Variants in DNTTIP1 observed in about 807,000 individuals in gnomAD.
The protein encoded by DNTTIP1 is deoxynucleotidyltransferase terminal interacting protein 1.
In DNTTIP1, 22 loss-of-function variants were observed where a neutral mutation model predicts 52.9. The observed-to-expected ratio is 0.42, with a 90% CI of 0.30 to 0.59. The LOEUF (loss-of-function observed/expected upper bound fraction) is 0.59. DNTTIP1 is among the 20% of genes least tolerant of loss of function. The pLI is 0.22. For synonymous variants in DNTTIP1, 136 were observed against 155.1 expected (o/e 0.88, Z 0.92); for missense variants, 286 against 435.5 (o/e 0.66, Z 3.06).
At chr20:45,797,465 G>A (rs1485614847) in intron 4 of DNTTIP1, among the ~76,000 whole-genome samples, 8 of 152,204 alleles carry the variant, frequency 5.3e-5, no homozygotes, top group African/African-American at 1.9e-4. Context: ...GGCAACAAAA[G>A]CCAAAATTGA....
intron 3 of DNTTIP1, among the ~76,000 whole-genome samples, chr20:45,794,507 CTTT>C (rs148427742): frequency 6.6e-6 from 1 of 151,672 alleles, no homozygotes; most frequent in East Asian, 1.9e-4. Flanking sequence ...ATTCAGATAC[CTTT>C]TTTTTTTAAA....
At chr20:45,807,183 C>T (rs567517897) in intron 10 of DNTTIP1, among the ~76,000 whole-genome samples, 3 of 151,908 alleles carry the variant, frequency 2.0e-5, no homozygotes, top group African/African-American at 7.2e-5. Flanking sequence ...AGTGCAGTGG[C>T]GCGATCTCAG....
At chr20:45,806,771 T>C (rs1601031699) in intron 10 of DNTTIP1, among the ~76,000 whole-genome samples, 1 of 152,254 alleles carries the variant, frequency 6.6e-6, no homozygotes, top group South Asian at 2.1e-4. Context: ...CAGTGGCTCC[T>C]TTGTTTTCCT....
chr20:45,799,277 TAAGA>T (rs1981344359), intron 4 of DNTTIP1, among the ~76,000 whole-genome samples: 1 of 152,154 alleles, frequency 6.6e-6, no homozygotes, highest in Admixed American at 6.5e-5. Flanking sequence ...CAAAGAAGGC[TAAGA>T]AAGAACGGCC....
At position 45,809,882 on chromosome 20, in the gene DNTTIP1, A is replaced by G. The variant is rs531913369; in HGVS notation, c.795+697A>G. ...GAGCTACCTTTTATTTTATTTTACT[A>G]CTCTATTTATGCCTATGCTTTACTT... On this transcript the variant is annotated intron_variant, in intron 11 of 12. Transcript: ENST00000372622. This position sits in a 1 kb window ranked among gnomAD's most constrained non-coding sequence, Gnocchi z 4.2. Among the ~76,000 whole-genome samples, 1 of 151,754 alleles carries G rather than the reference A, an allele frequency of 6.6e-6. No homozygotes were observed. Among genetic ancestry groups the G allele is most frequent in the Non-Finnish European group, 1.5e-5 (1 of 67,972 alleles).
chr20:45,799,655 T>G (rs925176066), intron 4 of DNTTIP1, among the ~76,000 whole-genome samples: 1 of 152,178 alleles, frequency 6.6e-6, no homozygotes, highest in African/African-American at 2.4e-5. Context: ...CTGGGTTTTT[T>G]TCTTTTTTTC....
At chr20:45,810,567 C>CT (rs1464520994) in intron 11 of DNTTIP1, among the ~76,000 whole-genome samples, 2 of 100,488 alleles carry the variant, frequency 2.0e-5, no homozygotes, top group African/African-American at 6.7e-5. Context: ...CTTTTTTTTT[C>CT]TTTTTTTCTT....
At chr20:45,805,586 A>T (rs1430835058) in intron 10 of DNTTIP1, among the ~76,000 whole-genome samples, 1 of 152,192 alleles carries the variant, frequency 6.6e-6, no homozygotes, top group Non-Finnish European at 1.5e-5. Context: ...GGTGCCAAAC[A>T]CAGTTTTAAA....
At chr20:45,796,336 G>A (rs1981235773) in intron 4 of DNTTIP1, 1 of 381,976 alleles carries the variant, frequency 2.6e-6, no homozygotes, top group Non-Finnish European at 5.1e-6. Flanking sequence ...TACCATTTCT[G>A]TTTATCAATT....
At chr20:45,796,065 G>C (rs1275578821) in intron 4 of DNTTIP1, among the ~76,000 whole-genome samples, 1 of 152,202 alleles carries the variant, frequency 6.6e-6, no homozygotes, top group Non-Finnish European at 1.5e-5. Flanking sequence ...TAGAATGGCA[G>C]TAGCTGGAGG....
At chr20:45,811,003 G>C in intron 12 of DNTTIP1, 54 bp from the exon 13 acceptor site, 1 of 1,613,728 alleles carries the variant, frequency 6.2e-7, no homozygotes, top group South Asian at 1.1e-5. Flanking sequence ...CCTAGAATGA[G>C]GCAGGGCCTA....
intron 6 of DNTTIP1, 110 bp from the exon 7 acceptor site, chr20:45,801,889 A>G: frequency 9.0e-7 from 1 of 1,108,056 alleles, no homozygotes; most frequent in Non-Finnish European, 1.4e-6. Context: ...CCTGTCAAAC[A>G]TCATTTGATC....
intron 4 of DNTTIP1, among the ~76,000 whole-genome samples, chr20:45,796,298 A>C (rs74174972): frequency 7.9e-5 from 12 of 152,058 alleles, no homozygotes; most frequent in African/African-American, 2.2e-4. Flanking sequence ...ATCTATGTCA[A>C]TTCATCACAT....
chr20:45,792,151 G>A (rs890941386), intron 1 of DNTTIP1, 42 bp downstream of exon 1: 14 of 1,144,098 alleles, frequency 1.2e-5, no homozygotes, highest in Non-Finnish European at 1.6e-5. Flanking sequence ...GGCCGGGCAC[G>A]GCCTCGGGGC....
At chr20:45,800,687 AAAAAAAAATATATATATATATAT>A (rs1981403249) in intron 4 of DNTTIP1, among the ~76,000 whole-genome samples, 2 of 59,834 alleles carry the variant, frequency 3.3e-5, no homozygotes, top group African/African-American at 1.8e-4. Context: ...TTTAAAAAAA[AAAAAAAAATATATATATATATAT>A]ATATATATAT....
intron 10 of DNTTIP1, among the ~76,000 whole-genome samples, chr20:45,808,640 C>T (rs1345318382): frequency 6.6e-6 from 1 of 152,066 alleles, no homozygotes; most frequent in African/African-American, 2.4e-5. Context: ...AACTCCGTCT[C>T]AATCGATCAA....
Position 45,811,150 on chromosome 20 carries a change from G to A in DNTTIP1, c.945G>A (p.Arg315=). 1.2e-6 allele frequency: 2 copies of A among 1,614,038 alleles called. No homozygotes were observed. The highest frequency in any genetic ancestry group is 1.1e-5 in the South Asian group (1 of 91,064). ...EKMRKYMETL[R]TENEHRAVEA... ...TGAGAAAGTATATGGAGACACTACG[G>A]ACAGAGAATGAGCATCGTGCTGTTG... Residue 315 remains arginine (R), a synonymous_variant, in exon 13 of 13, where the codon CGG becomes CGA. Transcript: ENST00000372622.
At chr20:45,799,952 CAAAAAAAA>C (rs11360135) in intron 4 of DNTTIP1, among the ~76,000 whole-genome samples, 17 of 125,494 alleles carry the variant, frequency 1.4e-4, no homozygotes, top group South Asian at 2.6e-4. Context: ...CTAAAAATAC[CAAAAAAAA>C]AAAAAAAAAA....
chr20:45,793,981 C>T lies in DNTTIP1; in HGVS notation c.237C>T (p.Asn79=), dbSNP rs144493047. The T allele has an allele frequency of 3.1e-5, 49 of 1,599,818 alleles. No individual in the cohort carries two copies. The highest frequency in any genetic ancestry group is 1.9e-4 in the Admixed American group (11 of 58,044). ...LLRAVLQPSI[N]EEIQTVFNKY... is the part of the protein sequence containing the mutation. Reference sequence around the variant, plus strand: ...GAGCTGTCCTGCAGCCCAGCATCAACGAGGAGATCCAGACTGTCTTCAACA... The same window carrying T: ...GAGCTGTCCTGCAGCCCAGCATCAATGAGGAGATCCAGACTGTCTTCAACA... The change falls in exon 3 of 13, where the codon AAC becomes AAT. Residue 79 remains asparagine, a synonymous_variant. Transcript: ENST00000372622.
Sources: allele counts gnomAD v4.1 joint callset (sites outside exome capture counted in the v4.1 genomes callset), GRCh38; gene constraint gnomAD v4.1.1; non-coding constraint Gnocchi (gnomAD v3.1); transcripts MANE v1.5; gene names NCBI Gene and HGNC (gene_info 2026-07-23, HGNC 2026-07-21).